CNTNAP2: variants seen among roughly 807,000 people sequenced by gnomAD.
CNTNAP2 encodes contactin associated protein 2, also known as contactin-associated protein-like 2.
CNTNAP2 carries 98 observed loss-of-function variants against 155.2 expected under a neutral mutation model. The observed-to-expected ratio is 0.63, with a 90% CI of 0.54 to 0.75. The LOEUF (loss-of-function observed/expected upper bound fraction) is 0.75, where lower values mean the gene tolerates loss of function less well. Ranked by LOEUF, CNTNAP2 falls within the 30% of genes least tolerant of loss-of-function variation. The pLI is 0.00. For missense variants in CNTNAP2, 1,727 were observed against 1,688.1 expected (o/e 1.02, Z -0.40); for synonymous variants, 651 against 631.2 (o/e 1.03, Z -0.47).
intron 21 of CNTNAP2, among the ~76,000 whole-genome samples, chr7:148,283,118 A>G (rs549828243): frequency 6.7e-6 from 1 of 148,560 alleles, no homozygotes; most frequent in South Asian, 2.2e-4. Flanking sequence ...AGGCACCTGT[A>G]AGCTCAGCTA....
chr7:146,224,158 A>G (rs1310079486), intron 1 of CNTNAP2, among the ~76,000 whole-genome samples: 1 of 152,178 alleles, frequency 6.6e-6, no homozygotes, highest in Admixed American at 6.5e-5. Flanking sequence ...GCCAATAAGT[A>G]CATTCATTAT....
intron 18 of CNTNAP2, among the ~76,000 whole-genome samples, chr7:148,197,965 C>A (rs1223848037): frequency 3.9e-5 from 6 of 152,222 alleles, no homozygotes; most frequent in African/African-American, 1.4e-4. Flanking sequence ...CCTTGAAGCT[C>A]TAAAAAGGCT....
chr7:146,566,064 G>A (rs979385221), intron 1 of CNTNAP2, among the ~76,000 whole-genome samples: 7 of 152,240 alleles, frequency 4.6e-5, no homozygotes, highest in African/African-American at 1.7e-4. Flanking sequence ...GAGGCACAGT[G>A]GGCCAGACCC....
intron 13 of CNTNAP2, among the ~76,000 whole-genome samples, chr7:147,662,322 C>T (rs1372795216): frequency 6.6e-6 from 1 of 152,142 alleles, no homozygotes; most frequent in African/African-American, 2.4e-5. Context: ...ATCATTTAGA[C>T]TATGATGGGA....
At chr7:147,260,804 G>A (rs188897623) in intron 8 of CNTNAP2, among the ~76,000 whole-genome samples, 2 of 152,262 alleles carry the variant, frequency 1.3e-5, no homozygotes, top group East Asian at 1.9e-4. Flanking sequence ...CTTTATGGAC[G>A]CGGAAATTCA....
intron 15 of CNTNAP2, among the ~76,000 whole-genome samples, chr7:148,013,596 C>A (rs1585077646): frequency 6.6e-6 from 1 of 152,132 alleles, no homozygotes; most frequent in Non-Finnish European, 1.5e-5. Flanking sequence ...GTATTATTGG[C>A]CAAAATTGAA....
chr7:147,566,934 G>A (rs1052361532), intron 12 of CNTNAP2, among the ~76,000 whole-genome samples: 1 of 152,188 alleles, frequency 6.6e-6, no homozygotes, highest in African/African-American at 2.4e-5. Flanking sequence ...TCTGTGTGGA[G>A]GTTAAAATGA....
chr7:147,735,983 C>T lies in CNTNAP2; in HGVS notation c.2098+96677C>T, dbSNP rs1470065600. ...GGTCTTGACTCTTTATCCAATTTGC[C>T]AGTCTGTGTCTTTTAATTGGAGCAT... On this transcript the variant is annotated intron_variant, in intron 13 of 23. Transcript: ENST00000361727. Among the ~76,000 whole-genome samples the T allele has an allele frequency of 4.8e-5, 7 of 145,948 alleles. 1 individual carries two copies. Among genetic ancestry groups the T allele is most frequent in the Non-Finnish European group, 1.1e-4 (7 of 64,938 alleles).
At chr7:147,210,907 T>A (rs915498810) in intron 8 of CNTNAP2, among the ~76,000 whole-genome samples, 11 of 152,028 alleles carry the variant, frequency 7.2e-5, no homozygotes, top group Non-Finnish European at 1.6e-4. Context: ...TGTATTGATT[T>A]CTATTTATAT....
At chr7:147,014,504 TATTTA>T (rs1189565693) in intron 3 of CNTNAP2, among the ~76,000 whole-genome samples, 1 of 152,152 alleles carries the variant, frequency 6.6e-6, no homozygotes, top group South Asian at 2.1e-4. Context: ...AATAATTATT[TATTTA>T]ATTCAAAGTA....
intron 3 of CNTNAP2, among the ~76,000 whole-genome samples, chr7:147,002,089 T>C (rs1798435563): frequency 6.6e-6 from 1 of 151,838 alleles, no homozygotes; most frequent in African/African-American, 2.4e-5. Context: ...GGTAGGGTAA[T>C]AAAGTGTGAT....
chr7:147,622,458 A>G (rs1794877187), intron 12 of CNTNAP2, among the ~76,000 whole-genome samples: 1 of 152,114 alleles, frequency 6.6e-6, no homozygotes, highest in Non-Finnish European at 1.5e-5. Flanking sequence ...CAATGGAATA[A>G]AACTAGAAAT....
At chr7:147,008,652 A>G (rs1466164076) in intron 3 of CNTNAP2, among the ~76,000 whole-genome samples, 1 of 152,186 alleles carries the variant, frequency 6.6e-6, no homozygotes, top group East Asian at 1.9e-4. Context: ...ATGTAGGCTT[A>G]TATAGCATTC....
chr7:146,959,589 A>C (rs567187965), intron 3 of CNTNAP2, among the ~76,000 whole-genome samples: 3 of 151,630 alleles, frequency 2.0e-5, no homozygotes, highest in South Asian at 4.2e-4. Context: ...GCATGGTGGC[A>C]GACACCTGTA....
intron 1 of CNTNAP2, among the ~76,000 whole-genome samples, chr7:146,760,959 T>C (rs1193499738): frequency 1.3e-5 from 2 of 152,176 alleles, no homozygotes; most frequent in Non-Finnish European, 2.9e-5. Flanking sequence ...CAAAGATACC[T>C]AGATTCAAAC....
At chr7:148,339,167 G>T (rs75803509) in intron 21 of CNTNAP2, among the ~76,000 whole-genome samples, 13,211 of 151,520 alleles carry the variant, frequency 0.087, 871 homozygotes, top group East Asian at 0.27. Flanking sequence ...TTTCTTCCCC[G>T]CAGTCCGGGC....
rs982127235 is a variant in CNTNAP2, at chr7:147,720,631, G to A, written c.2098+81325G>A. 3.9e-5 allele frequency among the ~76,000 whole-genome samples: 6 copies of A among 152,028 alleles called. No individual in the cohort carries two copies. In the South Asian group the frequency reaches 6.2e-4, roughly 16 times the overall value. On this transcript the variant is annotated intron_variant, in intron 13 of 23. Coordinates refer to ENST00000361727, the MANE Select transcript of CNTNAP2 (RefSeq NM_014141.6). ...TCATGGGGACAGTTTCCCCCATGCTGTTCTCACGATAGTAAGTTCTCAGGA... is the reference window on the plus strand; with the variant it reads ...TCATGGGGACAGTTTCCCCCATGCTATTCTCACGATAGTAAGTTCTCAGGA...
chr7:148,116,438 G>A (rs1182490145), intron 15 of CNTNAP2, among the ~76,000 whole-genome samples: 1 of 152,024 alleles, frequency 6.6e-6, no homozygotes, highest in African/African-American at 2.4e-5. Flanking sequence ...CAATCAAACG[G>A]TTTCTTTGTC....
chr7:146,643,945 T>A (rs1214474928), intron 1 of CNTNAP2, among the ~76,000 whole-genome samples: 19 of 152,130 alleles, frequency 1.2e-4, no homozygotes, highest in African/African-American at 4.6e-4. Context: ...AGTTCACTCA[T>A]GATTTAGCTC....
Sources: gnomAD v4.1 joint callset for allele counts (sites outside exome capture counted in the v4.1 genomes callset) on GRCh38, gnomAD v4.1.1 for gene constraint, MANE v1.5 for transcripts, NCBI Gene and HGNC (gene_info 2026-07-23, HGNC 2026-07-21) for gene names.